ANGPT1: variants seen among roughly 807,000 people sequenced by gnomAD.
ANGPT1 encodes the protein angiopoietin 1, also known as angiopoietin-1.
In ANGPT1, 17 loss-of-function variants were observed where a neutral mutation model predicts 62.2. The observed-to-expected ratio is 0.27, with a 90% CI of 0.19 to 0.41. The LOEUF (loss-of-function observed/expected upper bound fraction) is 0.41. ANGPT1 is among the 10% of genes least tolerant of loss of function. The pLI, the probability that ANGPT1 is intolerant of heterozygous loss-of-function variation, is 1.00. For synonymous variants in ANGPT1, 199 were observed against 198.9 expected, an observed-to-expected ratio of 1.00 and a Z score of 0.00; for missense variants, 478 against 594.9, an observed-to-expected ratio of 0.80 and a Z score of 2.04.
chr8:107,270,226 T>C (rs930469519), intron 7 of ANGPT1, among the ~76,000 whole-genome samples: 14 of 152,074 alleles, frequency 9.2e-5, no homozygotes, highest in Admixed American at 5.3e-4. Context: ...CAAGTGTCTC[T>C]TTCATGATCC....
intron 1 of ANGPT1, among the ~76,000 whole-genome samples, chr8:107,450,859 T>TG (rs1486515407): frequency 6.6e-6 from 1 of 151,822 alleles, no homozygotes; most frequent in Non-Finnish European, 1.5e-5. Context: ...CTTGAAACTC[T>TG]GCTAATTACT....
At chr8:107,277,933 T>C (rs1288315667) in intron 7 of ANGPT1, among the ~76,000 whole-genome samples, 1 of 152,144 alleles carries the variant, frequency 6.6e-6, no homozygotes, top group Non-Finnish European at 1.5e-5. Flanking sequence ...AATAAACAAC[T>C]ATCAACCAGC....
At chr8:107,371,730 G>C (rs3019113) in intron 1 of ANGPT1, among the ~76,000 whole-genome samples, 2 of 151,818 alleles carry the variant, frequency 1.3e-5, no homozygotes, top group African/African-American at 4.8e-5. Flanking sequence ...GCACCCACCA[G>C]CAGGCCTGTG....
At chr8:107,352,657 A>G (rs776976070) in intron 1 of ANGPT1, among the ~76,000 whole-genome samples, 5 of 152,194 alleles carry the variant, frequency 3.3e-5, no homozygotes, top group Non-Finnish European at 5.9e-5. Context: ...TAAAGCACAA[A>G]TAATACAATT....
chr8:107,301,512 GA>G (rs1586202844), intron 5 of ANGPT1, among the ~76,000 whole-genome samples: 1 of 151,818 alleles, frequency 6.6e-6, no homozygotes, highest in African/African-American at 2.4e-5. Flanking sequence ...ATCTTCCTTA[GA>G]ATAAGTTATC....
rs1205930539 is a variant in ANGPT1, at chr8:107,251,837, G to C, written c.*18C>G. 7 of 1,612,458 alleles carry C rather than the reference G, an allele frequency of 4.3e-6. No homozygotes were observed. Among genetic ancestry groups the C allele is most frequent in the Non-Finnish European group, 5.9e-6 (7 of 1,179,254 alleles). On this transcript the variant is annotated 3_prime_UTR_variant, in exon 9 of 9. Transcript: ENST00000517746. ...GGATTTCTTTGTTGCTTTCATAATC[G>C]CTTCTGACATTGCGCTTTCAAAAAT...
At chr8:107,330,719 T>C (rs913260406) in intron 3 of ANGPT1, among the ~76,000 whole-genome samples, 5 of 152,078 alleles carry the variant, frequency 3.3e-5, no homozygotes, top group African/African-American at 1.2e-4. Context: ...ATGGAAAGGA[T>C]GGGACGGATT....
At chr8:107,282,721 G>C (rs1204803888) in intron 7 of ANGPT1, among the ~76,000 whole-genome samples, 1 of 151,262 alleles carries the variant, frequency 6.6e-6, no homozygotes, top group Non-Finnish European at 1.5e-5. Flanking sequence ...GGATATCAGA[G>C]TGTATGCATC....
intron 4 of ANGPT1, among the ~76,000 whole-genome samples, chr8:107,311,286 G>A (rs893546287): frequency 1.3e-5 from 2 of 151,608 alleles, no homozygotes; most frequent in African/African-American, 2.4e-5. Context: ...GAGGCATCAC[G>A]GTATTATGAT....
chr8:107,387,130 T>C (rs1261035449), intron 1 of ANGPT1, among the ~76,000 whole-genome samples: 1 of 151,972 alleles, frequency 6.6e-6, no homozygotes, highest in African/African-American at 2.4e-5. Context: ...ACACCCTAAG[T>C]AGTCGGGAAA....
chr8:107,317,356 T>C (rs1189823276), intron 4 of ANGPT1, among the ~76,000 whole-genome samples: 2 of 152,208 alleles, frequency 1.3e-5, no homozygotes, highest in South Asian at 2.1e-4. Context: ...CAGAACTGTT[T>C]TGAATGAATG....
At chr8:107,380,181 A>T (rs1433545396) in intron 1 of ANGPT1, among the ~76,000 whole-genome samples, 1 of 152,208 alleles carries the variant, frequency 6.6e-6, no homozygotes, top group Non-Finnish European at 1.5e-5. Flanking sequence ...TAAGTAGAAT[A>T]GAGAAGGAAT....
chr8:107,362,762 T>G (rs972925543), intron 1 of ANGPT1, among the ~76,000 whole-genome samples: 2 of 152,142 alleles, frequency 1.3e-5, no homozygotes, highest in African/African-American at 4.8e-5. Context: ...AATTATACAT[T>G]TGCTTTTTCA....
chr8:107,455,477 T>A (rs577555713), intron 1 of ANGPT1, among the ~76,000 whole-genome samples: 9 of 152,144 alleles, frequency 5.9e-5, no homozygotes, highest in African/African-American at 1.7e-4. Context: ...TTAATAACTA[T>A]CACTGAATGT....
At chr8:107,306,900 A>G (rs1056515217) in intron 4 of ANGPT1, among the ~76,000 whole-genome samples, 3 of 151,966 alleles carry the variant, frequency 2.0e-5, no homozygotes, top group Non-Finnish European at 4.4e-5. Flanking sequence ...AAAATTAAAA[A>G]AAAAAGTCTG....
Position 107,393,145 on chromosome 8 carries a change from C to T in ANGPT1, c.298-46048G>A, listed in dbSNP as rs118071353. 2.8e-3 allele frequency among the ~76,000 whole-genome samples: 430 copies of T among 152,128 alleles called. 4 individuals are homozygous for T. The highest frequency in any genetic ancestry group is 6.2e-3 in the South Asian group (30 of 4,812). On this transcript the variant is annotated intron_variant, in intron 1 of 8. Transcript: ENST00000517746. ...ATGTTACTTTTTCATGATTTTTTTC[C>T]CATCAGTGCATGCTAACTTCTTAAC...
chr8:107,312,171 T>C (rs888193183), intron 4 of ANGPT1, among the ~76,000 whole-genome samples: 7 of 152,234 alleles, frequency 4.6e-5, no homozygotes, highest in African/African-American at 1.7e-4. Context: ...TACATAAAAT[T>C]AATTTCTTTG....
chr8:107,445,455 G>T (rs542197582), intron 1 of ANGPT1, among the ~76,000 whole-genome samples: 47 of 152,170 alleles, frequency 3.1e-4, no homozygotes, highest in Admixed American at 1.6e-3. Flanking sequence ...ATTATATGTG[G>T]TCAGTGGTCA....
Position 107,497,588 on chromosome 8 carries a change from C to T in ANGPT1, c.-30G>A, listed in dbSNP as rs202024721. On this transcript the variant is annotated 5_prime_UTR_variant, in exon 1 of 9. Transcript: ENST00000517746. ...CTGCCAGCACACTCCTTCCGTGCCT[C>T]TCGCAAAACTTGCTCCTTTCTTCTG... 2.7e-5 allele frequency: 43 copies of T among 1,595,496 alleles called. No individual in the cohort carries two copies. In the East Asian group the frequency reaches 7.7e-4, roughly 28 times the overall value.
Sources: allele counts gnomAD v4.1 joint callset (sites outside exome capture counted in the v4.1 genomes callset), GRCh38; gene constraint gnomAD v4.1.1; transcripts MANE v1.5; gene names NCBI Gene and HGNC (gene_info 2026-07-23, HGNC 2026-07-21).